Variants in FAT4 observed in about 807,000 individuals in gnomAD.
FAT4 encodes protocadherin Fat 4.
FAT4 carries 84 observed loss-of-function variants against 303.9 expected under a neutral mutation model. That is an observed-to-expected ratio of 0.28 (90% CI 0.23 to 0.33). The LOEUF (loss-of-function observed/expected upper bound fraction) is 0.33, where lower values mean the gene tolerates loss of function less well. Among genes scored for constraint, FAT4 ranks in the 10% least tolerant of loss-of-function variants. The pLI, the probability that FAT4 is intolerant of heterozygous loss-of-function variation, is 1.00. For missense variants in FAT4, 6,005 were observed against 6,146.8 expected, an observed-to-expected ratio of 0.98 and a Z score of 0.77; for synonymous variants, 2,307 against 2,298.8, an observed-to-expected ratio of 1.00 and a Z score of -0.10.
At chr4:125,373,572 G>T (rs551110246) in intron 2 of FAT4, among the ~76,000 whole-genome samples, 1 of 152,276 alleles carries the variant, frequency 6.6e-6, no homozygotes, top group Admixed American at 6.5e-5. Flanking sequence ...TGAAATTTAA[G>T]TGTACTATTA....
At chr4:125,455,078 C>T (rs1726231475) in intron 10 of FAT4, among the ~76,000 whole-genome samples, 1 of 152,144 alleles carries the variant, frequency 6.6e-6, no homozygotes, top group African/African-American at 2.4e-5. Flanking sequence ...GAACACTTCC[C>T]TCACTCTTTC....
intron 14 of FAT4, chr4:125,477,538 C>A (rs1220846943): frequency 6.3e-6 from 2 of 315,124 alleles, no homozygotes; most frequent in Non-Finnish European, 1.0e-5. Context: ...TTTCTAGATT[C>A]TTATACATAT....
At position 125,463,564 on chromosome 4, in the gene FAT4, GA is replaced by G; in HGVS notation, c.11806del (p.Met3936CysfsTer42). The G allele has an allele frequency of 1.9e-6, 3 of 1,565,220 alleles. No individual in the cohort carries two copies. The highest frequency in any genetic ancestry group is 2.6e-6 in the Non-Finnish European group (3 of 1,149,828). On this transcript the variant is annotated frameshift_variant and splice_region_variant, in exon 11 of 18. Coordinates refer to ENST00000394329, the MANE Select transcript of FAT4 (RefSeq NM_001291303.3). LOFTEE classifies it high-confidence loss of function. The part of the protein sequence containing the change: ...NCVCKTGYTG[K>X]MCESSVNYCE... ...AAAACTGAATTTGATATATTTTAGG[GA>G]AAATGTGTGAATCTTCAGTCAATTA... is the stretch of plus-strand genomic sequence containing the variant.
Position 125,449,934 on chromosome 4 carries a change from T to C in FAT4, c.8924T>C (p.Ile2975Thr), listed in dbSNP as rs998119407. 1.9e-6 allele frequency: 3 copies of C among 1,613,876 alleles called. No individual in the cohort carries two copies. Among genetic ancestry groups the C allele is most frequent in the Non-Finnish European group, 2.5e-6 (3 of 1,179,902 alleles). The change falls in exon 10 of 18, where the codon ATA becomes ACA. Residue 2975 changes from isoleucine to threonine, a missense_variant. By Grantham distance (89) the Ile-to-Thr change is moderately conservative. Coordinates refer to ENST00000394329, the MANE Select transcript of FAT4 (RefSeq NM_001291303.3). ...LISETTVTIN[I>T]VDSNDNAPQF... is the part of the protein sequence containing the mutation. ...AGTGAGACAACAGTTACCATCAATATAGTGGACAGTAATGACAATGCACCT... is the reference window on the plus strand; with the variant it reads ...AGTGAGACAACAGTTACCATCAATACAGTGGACAGTAATGACAATGCACCT...
chr4:125,458,299 A>G (rs1414629425), intron 10 of FAT4, among the ~76,000 whole-genome samples: 2 of 152,000 alleles, frequency 1.3e-5, no homozygotes, highest in African/African-American at 4.8e-5. Context: ...TTTTTCAGAC[A>G]TACCAACTTA....
intron 7 of FAT4, among the ~76,000 whole-genome samples, chr4:125,417,810 G>T (rs752294882): frequency 7.9e-5 from 12 of 152,126 alleles, no homozygotes; most frequent in Non-Finnish European, 1.6e-4. Context: ...TGTTTTTCGA[G>T]TCGCTCTGAA....
At chr4:125,382,777 G>A (rs1394340064) in intron 2 of FAT4, among the ~76,000 whole-genome samples, 1 of 152,180 alleles carries the variant, frequency 6.6e-6, no homozygotes, top group Non-Finnish European at 1.5e-5. Flanking sequence ...CATCTACATT[G>A]AAAATCTGTT....
rs1373191454 is a variant in FAT4, at chr4:125,452,828, C to T, written c.11800+18C>T. The T allele has an allele frequency of 1.3e-6, 2 of 1,576,556 alleles. No homozygotes were observed. Among genetic ancestry groups the T allele is most frequent in the Non-Finnish European group, 1.7e-6 (2 of 1,161,714 alleles). The stretch of plus-strand genomic sequence containing the variant: ...ATACACAGGTATGACAACGTTTGTA[C>T]TTTTCTCACTAAGACTTTAGCCATG... On this transcript the variant is annotated intron_variant, in intron 10 of 17. Coordinates refer to ENST00000394329, the MANE Select transcript of FAT4 (RefSeq NM_001291303.3).
intron 12 of FAT4, among the ~76,000 whole-genome samples, chr4:125,475,342 C>T (rs1005849761): frequency 1.6e-4 from 24 of 152,064 alleles, no homozygotes; most frequent in Non-Finnish European, 2.5e-4. Flanking sequence ...ACTCATTATA[C>T]AGGACTCTGA....
intron 4 of FAT4, 104 bp downstream of exon 4, chr4:125,407,245 A>C: frequency 1.0e-6 from 1 of 953,744 alleles, no homozygotes. Flanking sequence ...TTTTAATCAT[A>C]TACTACTAGT....
chr4:125,446,254 A>T (rs1255931220), intron 8 of FAT4, 39 bp from the exon 9 acceptor site: 1 of 1,546,886 alleles, frequency 6.5e-7, no homozygotes, highest in Non-Finnish European at 8.8e-7. Context: ...ACGATATTAA[A>T]ACTATATGAC....
chr4:125,434,108 T>G, intron 7 of FAT4, 137 bp from the exon 8 acceptor site: 1 of 686,330 alleles, frequency 1.5e-6, no homozygotes, highest in Non-Finnish European at 2.4e-6. Context: ...TAAAAATCAC[T>G]CAATCACTTA....
Position 125,451,178 on chromosome 4 carries a change from G to A in FAT4, c.10168G>A (p.Glu3390Lys), listed in dbSNP as rs770138783. The change falls in exon 10 of 18, where the codon GAG becomes AAG. Residue 3390 changes from glutamate (E) to lysine (K), a missense_variant. By Grantham distance (56) the Glu-to-Lys change is moderately conservative (BLOSUM62 1). Coordinates refer to ENST00000394329, the MANE Select transcript of FAT4 (RefSeq NM_001291303.3). ...CAGCATTAGAGGTGCAGATATAGAT[G>A]AGGTCACTGTAAATGTCACCGTGCT... Reference protein sequence around the residue: ...FGSIRGADIDEVTVNVTVLDA... With the variant: ...FGSIRGADIDKVTVNVTVLDA... The A allele has an allele frequency of 2.5e-6, 4 of 1,614,114 alleles. No homozygotes were observed. The highest frequency in any genetic ancestry group is 3.4e-6 in the Non-Finnish European group (4 of 1,179,998).
chr4:125,489,853 T>TTTTTTTC, intron 17 of FAT4, 48 bp from the exon 18 acceptor site: 3 of 875,996 alleles, frequency 3.4e-6, no homozygotes, highest in Non-Finnish European at 4.6e-6. Context: ...AGCTCTTTTT[T>TTTTTTTC]TTTTTTTTTT....
intron 10 of FAT4, among the ~76,000 whole-genome samples, chr4:125,456,497 A>T (rs547325800): frequency 4.1e-5 from 6 of 145,648 alleles, no homozygotes; most frequent in Non-Finnish European, 9.2e-5. Context: ...TGTATGAAAA[A>T]AACCATCCAG....
At chr4:125,368,994 C>G (rs1480240023) in intron 2 of FAT4, among the ~76,000 whole-genome samples, 2 of 152,128 alleles carry the variant, frequency 1.3e-5, no homozygotes, top group African/African-American at 4.8e-5. Context: ...ACTACACAAT[C>G]TTAGAATACT....
At chr4:125,471,670 C>T (rs1726858535) in intron 12 of FAT4, among the ~76,000 whole-genome samples, 1 of 151,838 alleles carries the variant, frequency 6.6e-6, no homozygotes, top group Non-Finnish European at 1.5e-5. Flanking sequence ...TCCCCCATCT[C>T]TAACAGCTAT....
chr4:125,374,185 T>C (rs1235925765), intron 2 of FAT4, among the ~76,000 whole-genome samples: 1 of 152,172 alleles, frequency 6.6e-6, no homozygotes, highest in Non-Finnish European at 1.5e-5. Context: ...TCTGTGAATC[T>C]TACAGAGATT....
chr4:125,323,985 G>A (rs1019176899), intron 2 of FAT4, among the ~76,000 whole-genome samples: 3 of 152,086 alleles, frequency 2.0e-5, no homozygotes, highest in African/African-American at 7.2e-5. Flanking sequence ...TCTGACATTT[G>A]GGGTAAGAGG....
Sources: allele counts gnomAD v4.1 joint callset (sites outside exome capture counted in the v4.1 genomes callset), GRCh38; gene constraint gnomAD v4.1.1; transcripts MANE v1.5; gene names NCBI Gene and HGNC (gene_info 2026-07-23, HGNC 2026-07-21).